CDH3: variants seen among roughly 807,000 people sequenced by gnomAD.
CDH3 encodes cadherin-3.
Under a neutral mutation model 82.0 loss-of-function variants are expected in CDH3, and 54 were observed. The observed-to-expected ratio is 0.66, with a 90% CI of 0.53 to 0.83. The LOEUF is 0.83. Among genes scored for constraint, CDH3 ranks in the 40% least tolerant of loss-of-function variants. The pLI is 0.00. For synonymous variants in CDH3, 446 were observed against 437.9 expected (o/e 1.02, Z -0.23); for missense variants, 1,054 against 1,084.6 (o/e 0.97, Z 0.40).
At chr16:68,698,075 T>A (rs770043346) in intron 15 of CDH3, 116 bp from the exon 16 acceptor site, 30 of 925,890 alleles carry the variant, frequency 3.2e-5, no homozygotes, top group Non-Finnish European at 4.6e-5. Flanking sequence ...CTTTCATTTC[T>A]ACCTCCAAAA....
At chr16:68,651,479 C>T in intron 2 of CDH3, 1 of 511,812 alleles carries the variant, frequency 2.0e-6, no homozygotes, top group South Asian at 1.5e-5. Context: ...GGCCGGCCTT[C>T]ATGGTGTTCT....
At chr16:68,679,694 CAAA>C (rs66540234) in intron 6 of CDH3, 102 bp from the exon 7 acceptor site, 1,295 of 354,694 alleles carry the variant, frequency 3.7e-3, no homozygotes, top group East Asian at 7.7e-3. Flanking sequence ...GACTTCATCT[CAAA>C]AAAAAAAAAA....
intron 12 of CDH3, among the ~76,000 whole-genome samples, chr16:68,690,394 G>A (rs1216533886): frequency 6.7e-6 from 1 of 149,062 alleles, no homozygotes; most frequent in Non-Finnish European, 1.5e-5. Context: ...CCGAGGTGGG[G>A]CAGATCACCT....
At chr16:68,673,637 G>T (rs977306594) in intron 2 of CDH3, among the ~76,000 whole-genome samples, 10 of 152,208 alleles carry the variant, frequency 6.6e-5, no homozygotes, top group Admixed American at 2.6e-4. Flanking sequence ...CAAAAAATTC[G>T]TATAGAGGCC....
At chr16:68,677,909 G>A (rs1050420310) in intron 3 of CDH3, among the ~76,000 whole-genome samples, 1 of 151,316 alleles carries the variant, frequency 6.6e-6, no homozygotes, top group African/African-American at 2.4e-5. Context: ...GGCTCATCTA[G>A]GTCTCCTCAC....
At chr16:68,689,813 G>A (rs1050066572) in intron 12 of CDH3, among the ~76,000 whole-genome samples, 1 of 151,590 alleles carries the variant, frequency 6.6e-6, no homozygotes, top group African/African-American at 2.4e-5. Context: ...TGAAATCTGT[G>A]CTGAGATAGG....
At chr16:68,711,623 A>C (rs2152110132) in intron 1 of CDH3, among the ~76,000 whole-genome samples, 1 of 152,328 alleles carries the variant, frequency 6.6e-6, no homozygotes, top group Non-Finnish European at 1.5e-5. Flanking sequence ...AGTGGCCAGC[A>C]GCTGGAGAGG....
chr16:68,668,482 G>T (rs1960798937), intron 2 of CDH3, among the ~76,000 whole-genome samples: 1 of 152,186 alleles, frequency 6.6e-6, no homozygotes, highest in Non-Finnish European at 1.5e-5. Flanking sequence ...GTAATGATCT[G>T]CCCCAGGGCT....
At position 68,645,665 on chromosome 16, in the gene CDH3, G is replaced by C. The variant is rs1567433129; in HGVS notation, c.75G>C (p.Glu25Asp). ...QVCWLQCAAS[E>D]PCRAVFREAE... ...GCTGGCTGCAGTGCGCGGCCTCCGA[G>C]CCGTGCCGGGCGGTCTTCAGGGAGG... Residue 25 changes from glutamate to aspartate, a missense_variant, in exon 2 of 16, where the codon GAG becomes GAC. Coordinates refer to ENST00000264012, the MANE Select transcript of CDH3 (RefSeq NM_001793.6). 2 of 1,544,184 alleles carry C rather than the reference G, an allele frequency of 1.3e-6. No individual in the cohort carries two copies. Among genetic ancestry groups the C allele is most frequent in the Middle Eastern group, 2.2e-4 (1 of 4,620 alleles).
At chr16:68,730,783 G>T (rs537286092), downstream of CDH3, among the ~76,000 whole-genome samples, 65 of 151,694 alleles carry the variant, frequency 4.3e-4, no homozygotes, top group African/African-American at 1.6e-3. Context: ...CACTTTGGGA[G>T]GCCAAGGTGG....
At chr16:68,675,668 C>T (rs915988333) in intron 2 of CDH3, among the ~76,000 whole-genome samples, 2 of 152,014 alleles carry the variant, frequency 1.3e-5, no homozygotes, top group African/African-American at 4.8e-5. Flanking sequence ...GTGGCGCACG[C>T]CTGTAACCCC....
intron 11 of CDH3, among the ~76,000 whole-genome samples, chr16:68,686,097 C>A (rs1597812932): frequency 6.6e-6 from 1 of 152,234 alleles, no homozygotes; most frequent in African/African-American, 2.4e-5. Context: ...AGGTGGATCA[C>A]CTGAGGTCAG....
exon 3 of CDH3, among the ~76,000 whole-genome samples, chr16:68,727,197 G>GTC (rs892987384): frequency 6.6e-6 from 1 of 152,120 alleles, no homozygotes; most frequent in Non-Finnish European, 1.5e-5. Context: ...GAACTCCAGG[G>GTC]TCTCTCGCCT....
intron 2 of CDH3, among the ~76,000 whole-genome samples, chr16:68,725,288 C>T (rs1239848566): frequency 1.3e-5 from 2 of 151,938 alleles, no homozygotes; most frequent in Admixed American, 6.6e-5. Context: ...TAATAGTTCA[C>T]GTTGATTTGC....
intron 1 of CDH3, among the ~76,000 whole-genome samples, chr16:68,706,544 C>CTTTTTT (rs34364461): frequency 6.1e-5 from 5 of 81,628 alleles, no homozygotes; most frequent in Non-Finnish European, 9.3e-5. Flanking sequence ...GTCACATTTC[C>CTTTTTT]TTTTTTTTTT....
At chr16:68,686,466 G>C in intron 11 of CDH3, 1 of 1,264,752 alleles carries the variant, frequency 7.9e-7, no homozygotes, top group Non-Finnish European at 1.2e-6. Flanking sequence ...AACCAAAGGA[G>C]GCATTATGGG....
chr16:68,682,219 T>G, intron 8 of CDH3, 83 bp from the exon 9 acceptor site: 1 of 1,465,538 alleles, frequency 6.8e-7, no homozygotes, highest in African/African-American at 1.4e-5. Context: ...GGGGATCCCC[T>G]GAGGTTGGAT....
At chr16:68,719,502 CTTTTTTTT>C (rs71148939) in intron 1 of CDH3, among the ~76,000 whole-genome samples, 2 of 74,512 alleles carry the variant, frequency 2.7e-5, no homozygotes, top group African/African-American at 1.1e-4. Flanking sequence ...TGGAACTGTT[CTTTTTTTT>C]TTTTTTTTTT....
downstream of CDH3, among the ~76,000 whole-genome samples, chr16:68,701,919 G>A (rs1961901968): frequency 6.6e-6 from 1 of 151,882 alleles, no homozygotes; most frequent in Non-Finnish European, 1.5e-5. Context: ...CGCTACTTGG[G>A]AGGCTGAGGC....
Sources: allele counts gnomAD v4.1 joint callset (sites outside exome capture counted in the v4.1 genomes callset), GRCh38; gene constraint gnomAD v4.1.1; transcripts MANE v1.5; gene names NCBI Gene and HGNC (gene_info 2026-07-23, HGNC 2026-07-21).